ERCC4: variants seen among roughly 807,000 people sequenced by gnomAD.
ERCC4 encodes ERCC excision repair 4, endonuclease catalytic subunit, also known as DNA repair endonuclease XPF.
A neutral mutation model predicts 76.9 loss-of-function variants in ERCC4; 65 were observed. The observed-to-expected ratio is 0.84, with a 90% CI of 0.69 to 1.04. The LOEUF is 1.04. Among genes scored for constraint, ERCC4 ranks in the 50% least tolerant of loss-of-function variants. The pLI is 0.00. For missense variants in ERCC4, 1,214 were observed against 1,128.2 expected, an observed-to-expected ratio of 1.08 and a Z score of -1.09; for synonymous variants, 463 against 410.1, an observed-to-expected ratio of 1.13 and a Z score of -1.56.
intron 4 of ERCC4, among the ~76,000 whole-genome samples, chr16:13,930,429 A>G (rs751380368): frequency 3.3e-5 from 5 of 152,194 alleles, no homozygotes; most frequent in Admixed American, 6.5e-5. Flanking sequence ...TTTGGATGAT[A>G]GATTGACTCT....
intron 2 of ERCC4, among the ~76,000 whole-genome samples, chr16:13,925,203 T>C (rs2032050081): frequency 6.6e-6 from 1 of 152,246 alleles, no homozygotes; most frequent in African/African-American, 2.4e-5. Context: ...GTATCAGTTC[T>C]CTTCTTCCTC....
intron 10 of ERCC4, 149 bp downstream of exon 10, chr16:13,944,984 T>A: frequency 1.7e-6 from 1 of 605,846 alleles, no homozygotes; most frequent in Non-Finnish European, 3.0e-6. Flanking sequence ...CCTACTCTAA[T>A]CTCAGCTCTG....
At position 13,934,468 on chromosome 16, in the gene ERCC4, G is replaced by A. The variant is rs1443556695; in HGVS notation, c.1213+166G>A. 2.5e-5 allele frequency: 15 copies of A among 608,758 alleles called. No homozygotes were observed. In the Admixed American group the frequency reaches 2.5e-4, roughly 10 times the overall value. The allele number at this position is 608,758 out of a possible 1,614,324, so 37.7% of individuals were successfully genotyped here. A position where few individuals can be genotyped will look rare whatever the true frequency, so the allele number is the denominator to read the frequency against. ...ATCTATAAAATGTAGACAAATAAATGGCAAATGAACACTGAGATCCTAGTG... is the reference window on the plus strand; with the variant it reads ...ATCTATAAAATGTAGACAAATAAATAGCAAATGAACACTGAGATCCTAGTG... On this transcript the variant is annotated intron_variant, in intron 7 of 10. Transcript: ENST00000311895.
At chr16:13,920,695 C>T (rs1240991606) in intron 1 of ERCC4, among the ~76,000 whole-genome samples, 1 of 151,850 alleles carries the variant, frequency 6.6e-6, no homozygotes, top group African/African-American at 2.4e-5. Flanking sequence ...AATGCCAGTC[C>T]CTGACACTGT....
At chr16:13,940,153 A>C (rs763975421) in intron 9 of ERCC4, among the ~76,000 whole-genome samples, 65 of 152,190 alleles carry the variant, frequency 4.3e-4, no homozygotes, top group Non-Finnish European at 6.2e-4. Context: ...TTGGGAGGCC[A>C]AGGCGGGCAG....
intron 10 of ERCC4, among the ~76,000 whole-genome samples, chr16:13,946,650 TAAAC>T (rs1007225566): frequency 6.6e-5 from 10 of 152,220 alleles, no homozygotes; most frequent in South Asian, 6.2e-4. Flanking sequence ...ATGTGATCCT[TAAAC>T]AAGCAGCATT....
At chr16:13,934,927 A>G (rs1229705852) in intron 7 of ERCC4, 1 of 507,466 alleles carries the variant, frequency 2.0e-6, no homozygotes, top group Non-Finnish European at 3.5e-6. Flanking sequence ...AAGATTAAAT[A>G]GTCTGGCTTC....
chr16:13,944,684 A>G, intron 9 of ERCC4, 39 bp from the exon 10 acceptor site: 2 of 1,332,710 alleles, frequency 1.5e-6, no homozygotes. Context: ...AGAATTTTGA[A>G]ATTTGTTTCA....
intron 4 of ERCC4, among the ~76,000 whole-genome samples, chr16:13,929,305 A>G (rs535405634): frequency 6.6e-6 from 1 of 152,346 alleles, no homozygotes; most frequent in South Asian, 2.1e-4. Flanking sequence ...TGATTTTACA[A>G]AAAAGGCATG....
intron 4 of ERCC4, 140 bp from the exon 5 acceptor site, chr16:13,930,570 G>T: frequency 1.6e-6 from 1 of 641,138 alleles, no homozygotes; most frequent in Admixed American, 2.9e-5. Flanking sequence ...TTTTATTGTA[G>T]TAAAATATAT....
chr16:13,940,019 C>T (rs1299800115), intron 9 of ERCC4, among the ~76,000 whole-genome samples: 1 of 152,174 alleles, frequency 6.6e-6, no homozygotes, highest in Admixed American at 6.5e-5. Context: ...CATCCTCAGG[C>T]TCGATGATTC....
chr16:13,948,058 C>T lies in ERCC4; in HGVS notation c.2462C>T (p.Pro821Leu), dbSNP rs763983833. 16 of 1,614,034 alleles carry T rather than the reference C, an allele frequency of 9.9e-6. 1 individual carries two copies. In the South Asian group the frequency reaches 1.6e-4, roughly 17 times the overall value. The change falls in exon 11 of 11, where the codon CCA becomes CTA. Residue 821 changes from proline to leucine, a missense_variant. Physicochemically the swap from Pro to Leu is moderately conservative, Grantham distance 98. Coordinates refer to ENST00000311895, the MANE Select transcript of ERCC4 (RefSeq NM_005236.3). ...ELFEELKQSK[P>L]QPDAATALAI... ...TTTGAGGAGCTGAAACAAAGCAAGC[C>T]ACAGCCTGATGCGGCGACAGCACTG...
chr16:13,940,522 C>G (rs911164920), intron 9 of ERCC4, among the ~76,000 whole-genome samples: 1 of 152,244 alleles, frequency 6.6e-6, no homozygotes, highest in African/African-American at 2.4e-5. Flanking sequence ...GTCCTCCCAG[C>G]AACAGTGTGT....
Position 13,948,416 on chromosome 16 carries a change from A to G in ERCC4, c.*69A>G, listed in dbSNP as rs2032568622. 2 of 1,510,232 alleles carry G rather than the reference A, an allele frequency of 1.3e-6. No homozygotes were observed. Among genetic ancestry groups the G allele is most frequent in the East Asian group, 2.3e-5 (1 of 44,344 alleles). The allele number at this position is 1,510,232 out of a possible 1,614,324, so 93.6% of individuals were successfully genotyped here. On this transcript the variant is annotated 3_prime_UTR_variant, in exon 11 of 11. Coordinates refer to ENST00000311895, the MANE Select transcript of ERCC4 (RefSeq NM_005236.3). ...GGCTCCTTGCCAGACATCATAGGTC[A>G]TTATTAATTATTGGTTTGCTATTTC...
At position 13,947,626 on chromosome 16, in the gene ERCC4, A is replaced by G. The variant is rs370466614; in HGVS notation, c.2030A>G (p.Gln677Arg). Reference protein sequence around the residue: ...TDTRKAGGQEQNGTQQSIVVD... With the variant: ...TDTRKAGGQERNGTQQSIVVD... Reference sequence around the variant, plus strand: ...TTTTTCTCTGTAGGTGGCCAGGAACAGAATGGTACACAGCAAAGCATAGTT... The same window carrying G: ...TTTTTCTCTGTAGGTGGCCAGGAACGGAATGGTACACAGCAAAGCATAGTT... The change falls in exon 11 of 11, where the codon CAG (glutamine) becomes CGG (arginine). Residue 677 changes from glutamine to arginine, a missense_variant. By Grantham distance (43) the Gln-to-Arg change is conservative. Transcript: ENST00000311895. 4 of 1,614,116 alleles carry G rather than the reference A, an allele frequency of 2.5e-6. No individual in the cohort carries two copies. The African/African-American group carries it at 5.3e-5, about 22-fold the overall frequency.
intron 2 of ERCC4, chr16:13,922,460 A>G: frequency 1.3e-6 from 1 of 757,404 alleles, no homozygotes. Context: ...CAACTCACAC[A>G]GTAATTTAGC....
rs1459073174 is a variant in ERCC4 at position 13,944,716 on chromosome 16, C to G, written c.1905-7C>G. The G allele has an allele frequency of 1.3e-5, 21 of 1,593,188 alleles. No individual in the cohort carries two copies. Among genetic ancestry groups the G allele is most frequent in the Non-Finnish European group, 1.7e-5 (20 of 1,161,030 alleles). ...TTCAGAAGTGTTGACAATGTTTTCT[C>G]CCACAGGGAAAAAGCAAGCATGGTT... On this transcript the variant is annotated splice_polypyrimidine_tract_variant and splice_region_variant and intron_variant, in intron 9 of 10. Coordinates refer to ENST00000311895, the MANE Select transcript of ERCC4 (RefSeq NM_005236.3).
chr16:13,939,913 G>C (rs917095882), intron 9 of ERCC4, among the ~76,000 whole-genome samples: 1 of 152,064 alleles, frequency 6.6e-6, no homozygotes, highest in Non-Finnish European at 1.5e-5. Context: ...CCAAGTTTTC[G>C]CTCATTAAAA....
chr16:13,950,860 C>A lies in ERCC4; in HGVS notation c.*2513C>A, dbSNP rs11075223. On this transcript the variant is annotated 3_prime_UTR_variant, in exon 11 of 11. Transcript: ENST00000311895. Reference sequence around the variant, plus strand: ...TCTTCCTAAAGCTACCATTTTCAACCGTCCTTGTTATCTAGTACAACATAA... The same window carrying A: ...TCTTCCTAAAGCTACCATTTTCAACAGTCCTTGTTATCTAGTACAACATAA... The A allele has an allele frequency of 0.3, 58,582 of 197,218 alleles. 9,089 individuals are homozygous for A. Among genetic ancestry groups the A allele is most frequent in the Middle Eastern group, 0.4 (231 of 584 alleles). 12.2% of individuals were successfully genotyped at this position (197,218 alleles called of 1,614,324 possible). A position where few individuals can be genotyped will look rare whatever the true frequency, so the allele number is the denominator to read the frequency against.
Sources: gnomAD v4.1 joint callset for allele counts (sites outside exome capture counted in the v4.1 genomes callset) on GRCh38, gnomAD v4.1.1 for gene constraint, MANE v1.5 for transcripts, NCBI Gene and HGNC (gene_info 2026-07-23, HGNC 2026-07-21) for gene names.